The following CPT1A variants were observed in gnomAD, a reference collection of about 807,000 sequenced individuals.
CPT1A encodes carnitine palmitoyltransferase 1A, also known as carnitine O-palmitoyltransferase 1, liver isoform.
A neutral mutation model predicts 100.8 loss-of-function variants in CPT1A; 64 were observed. The ratio of observed to expected loss-of-function variants is 0.63; its 90% confidence interval spans 0.52 to 0.78. The LOEUF is 0.78. Among genes scored for constraint, CPT1A ranks in the 30% least tolerant of loss-of-function variants. CPT1A has a pLI of 0.00. For missense variants in CPT1A, 802 were observed against 1,034.1 expected (o/e 0.78, Z 3.08); for synonymous variants, 363 against 396.0 (o/e 0.92, Z 0.99).
Position 68,841,874 on chromosome 11 carries a change from C to T in CPT1A, c.-113G>A, listed in dbSNP as rs1452113357. On this transcript the variant is annotated 5_prime_UTR_variant, in exon 1 of 19. Coordinates refer to ENST00000265641, the MANE Select transcript of CPT1A (RefSeq NM_001876.4). This position sits in a 1 kb window ranked among gnomAD's most constrained non-coding sequence, Gnocchi z 6.3. ...CGAGCGGGAGCCGGGGAAGGAGGGC[C>T]GCGGGCGAGGCCGAGCGCACCCGAC... The T allele has an allele frequency of 2.3e-5, 23 of 988,912 alleles. No individual in the cohort carries two copies. The highest frequency in any genetic ancestry group is 2.8e-5 in the Non-Finnish European group (23 of 833,322). The allele number at this position is 988,912 out of a possible 1,614,324, so 61.3% of individuals were successfully genotyped here.
At chr11:68,754,649 TTA>T, downstream of CPT1A, 1 of 614,712 alleles carries the variant, frequency 1.6e-6, no homozygotes, top group Non-Finnish European at 3.0e-6. Flanking sequence ...TGAGCATCTT[TTA>T]TGTGTCAGGC....
At chr11:68,780,832 G>A (rs974108054) in intron 11 of CPT1A, 87 bp from the exon 12 acceptor site, 15 of 971,682 alleles carry the variant, frequency 1.5e-5, no homozygotes, top group African/African-American at 3.2e-5. Flanking sequence ...ATCCTGGATG[G>A]ACTAATTCAC....
chr11:68,793,474 G>C, intron 8 of CPT1A, 72 bp from the exon 9 acceptor site: 1 of 1,219,556 alleles, frequency 8.2e-7, no homozygotes, highest in Non-Finnish European at 1.2e-6. Context: ...GGCCGGGTGC[G>C]GTGGCTCACG....
At chr11:68,826,706 A>C (rs11228371) in intron 1 of CPT1A, among the ~76,000 whole-genome samples, 66,897 of 148,970 alleles carry the variant, frequency 0.45, 17,509 homozygotes, top group Admixed American at 0.61. Context: ...CTACTGCACT[A>C]CTGGGTGAGA....
At chr11:68,790,754 T>C (rs1412491322) in intron 9 of CPT1A, among the ~76,000 whole-genome samples, 1 of 152,236 alleles carries the variant, frequency 6.6e-6, no homozygotes, top group African/African-American at 2.4e-5. Flanking sequence ...AGAATGGCTG[T>C]CCAGGTACAC....
intron 3 of CPT1A, 49 bp from the exon 4 acceptor site, chr11:68,807,687 T>A (rs1486122271): frequency 1.3e-6 from 2 of 1,588,758 alleles, no homozygotes; most frequent in Non-Finnish European, 1.7e-6. Flanking sequence ...GGCCACACGG[T>A]GCCACCAACA....
Position 68,774,033 on chromosome 11 carries a change from AGGGAGGAATT to A in CPT1A, c.1576-614_1576-605del, listed in dbSNP as rs557087452. The A allele has an allele frequency of 1.0e-4, 16 of 160,720 alleles. 1 individual carries two copies. The South Asian group carries it at 2.4e-3, about 24-fold the overall frequency. 10.0% of individuals were successfully genotyped at this position (160,720 alleles called of 1,614,324 possible). On this transcript the variant is annotated intron_variant, in intron 13 of 18. Transcript: ENST00000265641. ...CTGTGCATGCGGACAGCCCACAACA[AGGGAGGAATT>A]GGGAGAAGTAACACAAGACCCTGGA...
Position 68,775,240 on chromosome 11 carries a change from G to A in CPT1A, c.1575+76C>T, listed in dbSNP as rs141249458. 3.3e-4 allele frequency: 413 copies of A among 1,250,410 alleles called. 1 individual carries two copies. Among genetic ancestry groups the A allele is most frequent in the Non-Finnish European group, 4.5e-4 (384 of 853,086 alleles). The allele number at this position is 1,250,410 out of a possible 1,614,324, so 77.5% of individuals were successfully genotyped here. ...TCATGATAGGGCAGGAACTACGGTT[G>A]GAAAATTCATCTGTAAGACTTCAAA... On this transcript the variant is annotated intron_variant, in intron 13 of 18. Transcript: ENST00000265641.
chr11:68,790,302 C>T (rs1273597839), intron 9 of CPT1A, among the ~76,000 whole-genome samples: 1 of 152,120 alleles, frequency 6.6e-6, no homozygotes, highest in Non-Finnish European at 1.5e-5. Flanking sequence ...AACTCCTGGG[C>T]TCAGGTGATC....
chr11:68,838,571 TTAAAA>T lies in CPT1A; in HGVS notation c.-14+3199_-14+3203del, dbSNP rs1219760702. ...GACTCTACTCTGTATCTGCACCTTT[TTAAAA>T]AAAAAAAAAAAAAAACAGAGACAGG... On this transcript the variant is annotated intron_variant, in intron 1 of 18. Transcript: ENST00000265641. 2.3e-4 allele frequency among the ~76,000 whole-genome samples: 17 copies of T among 74,236 alleles called. 2 individuals carry two copies. The East Asian group carries it at 8.6e-3, about 37-fold the overall frequency. 48.7% of individuals were successfully genotyped at this position (74,236 alleles called of 152,430 possible).
chr11:68,775,200 G>T (rs1594328810), intron 13 of CPT1A, 116 bp downstream of exon 13: 2 of 838,234 alleles, frequency 2.4e-6, no homozygotes, highest in Middle Eastern at 2.9e-4. Flanking sequence ...CAGCCTCAGT[G>T]GTCTTCAACT....
At chr11:68,762,060 G>C (rs1216453695) in intron 15 of CPT1A, among the ~76,000 whole-genome samples, 1 of 152,200 alleles carries the variant, frequency 6.6e-6, no homozygotes, top group African/African-American at 2.4e-5. Flanking sequence ...GCCTGGGTCT[G>C]ACCTCGGCCA....
Position 68,812,564 on chromosome 11 carries a change from T to C in CPT1A, c.154A>G (p.Thr52Ala), listed in dbSNP as rs746197321. The change falls in exon 3 of 19, where the codon ACT becomes GCT. Residue 52 changes from threonine (T) to alanine (A), a missense_variant. This residue lies in a region of CPT1A where 161 missense variants were observed against 183.7 expected (regional missense o/e 0.88). Coordinates refer to ENST00000265641, the MANE Select transcript of CPT1A (RefSeq NM_001876.4). ...KFIRFKNGIITGVYPASPSSW... is the reference protein window; with the variant it reads ...KFIRFKNGIIAGVYPASPSSW... ...GAGGGGCTTGCCGGGTACACGCCAG[T>C]GATGATGCCGTTCTAAAGACAGACA... The C allele has an allele frequency of 8.7e-6, 14 of 1,613,934 alleles. No homozygotes were observed. The highest frequency in any genetic ancestry group is 1.2e-5 in the Non-Finnish European group (14 of 1,180,012).
At chr11:68,815,613 T>C (rs1300643670) in intron 1 of CPT1A, 126 bp from the exon 2 acceptor site, 1 of 934,048 alleles carries the variant, frequency 1.1e-6, no homozygotes, top group Non-Finnish European at 1.6e-6. Flanking sequence ...TTTAATACTT[T>C]TCATCAACAG....
At position 68,837,964 on chromosome 11, in the gene CPT1A, C is replaced by T. The variant is rs151153510; in HGVS notation, c.-14+3811G>A. On this transcript the variant is annotated intron_variant, in intron 1 of 18. Transcript: ENST00000265641. Reference sequence around the variant, plus strand: ...AGGAAGAAGTAGCAGCACTTAGCCCCGGCTGCATGTGGGGGCTTAGGGAAC... The same window carrying T: ...AGGAAGAAGTAGCAGCACTTAGCCCTGGCTGCATGTGGGGGCTTAGGGAAC... 7.1e-3 allele frequency among the ~76,000 whole-genome samples: 1,078 copies of T among 152,264 alleles called. 15 individuals are homozygous for T. The highest frequency in any genetic ancestry group is 0.024 in the Admixed American group (367 of 15,284).
chr11:68,823,049 C>G (rs1455769706), intron 1 of CPT1A, among the ~76,000 whole-genome samples: 1 of 152,110 alleles, frequency 6.6e-6, no homozygotes, highest in East Asian at 1.9e-4. Context: ...CTAAAAACCA[C>G]TGAAAGCCTG....
At position 68,832,451 on chromosome 11, in the gene CPT1A, A is replaced by AAAACAAAC. The variant is rs369599152; in HGVS notation, c.-14+9316_-14+9323dup. 5.7e-4 allele frequency among the ~76,000 whole-genome samples: 86 copies of AAAACAAAC among 152,056 alleles called. 1 individual carries two copies. Among genetic ancestry groups the AAAACAAAC allele is most frequent in the African/African-American group, 1.9e-3 (80 of 41,348 alleles). On this transcript the variant is annotated intron_variant, in intron 1 of 18. Coordinates refer to ENST00000265641, the MANE Select transcript of CPT1A (RefSeq NM_001876.4). ...GGTGACAGAGCGAGACTCTGTCTCA[A>AAAACAAAC]AAACAAACAAACAAACAAACAAACA... is the stretch of plus-strand genomic sequence containing the variant.
Position 68,803,982 on chromosome 11 carries a change from G to A in CPT1A, c.555+18C>T. ...ACAGATGGCTGGCATTTCAGTGTGA[G>A]GCCTAAGCCACACCTACCCTGTTCA... is the stretch of plus-strand genomic sequence containing the variant. On this transcript the variant is annotated intron_variant, in intron 5 of 18. Transcript: ENST00000265641. The A allele has an allele frequency of 6.3e-7, 1 of 1,585,034 alleles. No homozygotes were observed. The highest frequency in any genetic ancestry group is 1.7e-5 in the Admixed American group (1 of 59,996).
chr11:68,823,406 G>A (rs962633282), intron 1 of CPT1A, among the ~76,000 whole-genome samples: 4 of 152,124 alleles, frequency 2.6e-5, no homozygotes, highest in African/African-American at 9.7e-5. Flanking sequence ...AATATATGAT[G>A]GTGGGGGTGG....
Sources: allele counts gnomAD v4.1 joint callset (sites outside exome capture counted in the v4.1 genomes callset), GRCh38; gene constraint gnomAD v4.1.1; regional missense constraint gnomAD v4.1.1; non-coding constraint Gnocchi (gnomAD v3.1); transcripts MANE v1.5; gene names NCBI Gene and HGNC (gene_info 2026-07-23, HGNC 2026-07-21).